Variants in SNF8 observed in about 807,000 individuals in gnomAD.
SNF8 encodes the protein vacuolar-sorting protein SNF8.
SNF8 carries 19 observed loss-of-function variants against 36.8 expected under a neutral mutation model. The observed-to-expected ratio is 0.52, with a 90% CI of 0.36 to 0.76. The LOEUF is 0.76. Among genes scored for constraint, SNF8 ranks in the 30% least tolerant of loss-of-function variants. The probability of loss-of-function intolerance (pLI) is 0.00; values close to 1 mark genes in which losing one functional copy is unlikely to be tolerated. For missense variants in SNF8, 268 were observed against 322.9 expected (o/e 0.83, Z 1.30); for synonymous variants, 127 against 127.4 (o/e 1.00, Z 0.02).
chr17:48,932,929 CTAGT>C (rs1236538720), intron 6 of SNF8: 16 of 333,462 alleles, frequency 4.8e-5, no homozygotes, highest in Non-Finnish European at 7.0e-5. Context: ...CCAAAGAAAT[CTAGT>C]TAGTTGTCTG....
At chr17:48,935,673 TTTC>T in intron 5 of SNF8, 1 of 152,864 alleles carries the variant, frequency 6.5e-6, no homozygotes, top group East Asian at 1.9e-4. Flanking sequence ...AGCAAGACTC[TTTC>T]TCAAAGAAAA....
At chr17:48,940,072 CAAA>C (rs34067220) in intron 3 of SNF8, among the ~76,000 whole-genome samples, 2 of 91,416 alleles carry the variant, frequency 2.2e-5, no homozygotes, top group Non-Finnish European at 4.2e-5. Flanking sequence ...AAGACTGTCT[CAAA>C]AAAAAAAAAA....
chr17:48,943,113 T>C (rs2041054918), intron 2 of SNF8, among the ~76,000 whole-genome samples: 1 of 143,410 alleles, frequency 7.0e-6, no homozygotes, highest in Non-Finnish European at 1.5e-5. Context: ...TGATCAGCCT[T>C]CCTCAGCTTC....
chr17:48,943,470 T>C (rs139374695), intron 2 of SNF8, among the ~76,000 whole-genome samples: 1,564 of 152,100 alleles, frequency 0.01, 32 homozygotes, highest in African/African-American at 0.035. Context: ...TACCCAGGCG[T>C]GGTGGCGCAT....
At chr17:48,940,516 C>T (rs2041003990) in intron 3 of SNF8, among the ~76,000 whole-genome samples, 1 of 151,878 alleles carries the variant, frequency 6.6e-6, no homozygotes, top group Admixed American at 6.6e-5. Flanking sequence ...CTTGGCCAGG[C>T]GCAGTGGCTC....
At chr17:48,943,145 C>G (rs905136764) in intron 2 of SNF8, among the ~76,000 whole-genome samples, 3 of 151,546 alleles carry the variant, frequency 2.0e-5, no homozygotes, top group Non-Finnish European at 4.4e-5. Flanking sequence ...GGATTACAGG[C>G]ATATGCCACA....
At chr17:48,934,460 G>C (rs988326569) in intron 5 of SNF8, 1 of 218,050 alleles carries the variant, frequency 4.6e-6, no homozygotes, top group East Asian at 1.7e-4. Context: ...AGAACTAGCA[G>C]GGCGCCAGTG....
rs770570543 is a variant in SNF8 at position 48,933,239 on chromosome 17, T to C, written c.530A>G (p.Asn177Ser). 4 of 1,613,970 alleles carry C rather than the reference T, an allele frequency of 2.5e-6. No homozygotes were observed. Among genetic ancestry groups the C allele is most frequent in the Non-Finnish European group, 2.5e-6 (3 of 1,180,012 alleles). ...YLIQSVPAEL[N>S]MDHTVVLQLA... ...CTGCAGCACCACGGTGTGATCCATA[T>C]TGAGCTCAGCTGGAACAGACTGAAT... The change falls in exon 6 of 8, where the codon AAT becomes AGT. Residue 177 changes from asparagine to serine, a missense_variant. Coordinates refer to ENST00000502492, the MANE Select transcript of SNF8 (RefSeq NM_007241.4).
At chr17:48,931,155 G>A (rs1474168368) in intron 7 of SNF8, among the ~76,000 whole-genome samples, 1 of 152,108 alleles carries the variant, frequency 6.6e-6, no homozygotes, top group African/African-American at 2.4e-5. Flanking sequence ...TTTGGATAAG[G>A]AAAAAAGGTA....
In SNF8 at chr17:48,930,327, G is replaced by T; in HGVS notation, c.*148C>A. The T allele has an allele frequency of 1.2e-6, 1 of 863,846 alleles. No individual in the cohort carries two copies. Among genetic ancestry groups the T allele is most frequent in the Non-Finnish European group, 1.7e-6 (1 of 602,618 alleles). 53.5% of individuals were successfully genotyped at this position (863,846 alleles called of 1,614,324 possible). A position where few individuals can be genotyped will look rare whatever the true frequency, so the allele number is the denominator to read the frequency against. The stretch of plus-strand genomic sequence containing the variant: ...GGTTTTCCTCCAATAAAAATGCAAC[G>T]TGAAGGCACTTTTCAAAAATAAAAG... On this transcript the variant is annotated 3_prime_UTR_variant, in exon 8 of 8. Coordinates refer to ENST00000502492, the MANE Select transcript of SNF8 (RefSeq NM_007241.4).
intron 2 of SNF8, among the ~76,000 whole-genome samples, chr17:48,942,539 C>T (rs758743485): frequency 4.6e-5 from 7 of 151,950 alleles, no homozygotes; most frequent in Admixed American, 6.6e-5. Flanking sequence ...ACTCGGAGCA[C>T]GTACAGAGAA....
chr17:48,942,847 CTTTTT>C (rs71144543), intron 2 of SNF8, among the ~76,000 whole-genome samples: 3 of 86,172 alleles, frequency 3.5e-5, no homozygotes, highest in South Asian at 3.7e-4. Context: ...CGCACCCGGC[CTTTTT>C]TTTTTTTTTT....
intron 2 of SNF8, among the ~76,000 whole-genome samples, chr17:48,941,530 T>C (rs1294908091): frequency 1.3e-5 from 2 of 152,038 alleles, no homozygotes; most frequent in African/African-American, 2.4e-5. Flanking sequence ...ACAGAAAGGC[T>C]GGATGGGAAA....
chr17:48,935,591 GAA>G (rs1193378268), intron 5 of SNF8: 5 of 151,844 alleles, frequency 3.3e-5, no homozygotes, highest in African/African-American at 1.2e-4. Flanking sequence ...TGTGGCACGA[GAA>G]TTGCTTGAAC....
intron 3 of SNF8, 189 bp from the exon 4 acceptor site, chr17:48,937,313 C>T (rs2132201): frequency 0.99 from 688,980 of 692,938 alleles, 342,635 homozygotes; most frequent in East Asian, 1. Flanking sequence ...GGTCAGACGG[C>T]TCCAGAGGGC....
rs2143826376 is a variant in SNF8 at position 48,944,823 on chromosome 17, C to G, written c.-89G>C. ...GCCGCCGGCTCCCCAAGGCGGAAGC[C>G]CGAGCCGCGCGTCATCTGCACGCGC... On this transcript the variant is annotated 5_prime_UTR_variant, in exon 1 of 8. Coordinates refer to ENST00000502492, the MANE Select transcript of SNF8 (RefSeq NM_007241.4). 3 of 1,406,006 alleles carry G rather than the reference C, an allele frequency of 2.1e-6. No individual in the cohort carries two copies. The South Asian group carries it at 4.7e-5, about 22-fold the overall frequency. 87.1% of individuals were successfully genotyped at this position (1,406,006 alleles called of 1,614,324 possible). A position where few individuals can be genotyped will look rare whatever the true frequency, so the allele number is the denominator to read the frequency against.
chr17:48,933,977 T>A (rs528944692), intron 5 of SNF8, among the ~76,000 whole-genome samples: 1 of 152,340 alleles, frequency 6.6e-6, no homozygotes, highest in South Asian at 2.1e-4. Flanking sequence ...TAGAGAATGC[T>A]TATCTATTTT....
At chr17:48,933,004 T>C in intron 6 of SNF8, 1 of 490,374 alleles carries the variant, frequency 2.0e-6, no homozygotes, top group South Asian at 4.5e-5. Flanking sequence ...ATCATCTTTA[T>C]ATGCCCCACA....
chr17:48,944,011 T>C, intron 1 of SNF8, 36 bp from the exon 2 acceptor site: 1 of 1,608,714 alleles, frequency 6.2e-7, no homozygotes, highest in Non-Finnish European at 8.5e-7. Context: ...GTTAAGAGAG[T>C]GGGCGCTGGA....
Sources: gnomAD v4.1 joint callset for allele counts (sites outside exome capture counted in the v4.1 genomes callset) on GRCh38, gnomAD v4.1.1 for gene constraint, MANE v1.5 for transcripts, NCBI Gene and HGNC (gene_info 2026-07-23, HGNC 2026-07-21) for gene names.